Variants in DENND2B observed in about 807,000 individuals in gnomAD.
DENND2B encodes the protein DENN domain containing 2B, also known as DENN domain-containing protein 2B.
A neutral mutation model predicts 116.0 loss-of-function variants in DENND2B; 32 were observed. The observed-to-expected ratio is 0.28, with a 90% confidence interval of 0.21 to 0.37. DENND2B has a LOEUF of 0.37. DENND2B is among the 10% of genes least tolerant of loss of function. The pLI, the probability that DENND2B is intolerant of heterozygous loss-of-function variation, is 1.00. For synonymous variants in DENND2B, 588 were observed against 583.9 expected (o/e 1.01, Z -0.10); for missense variants, 1,276 against 1,477.7 (o/e 0.86, Z 2.24).
At chr11:8,737,397 G>T (rs1269720784) in intron 2 of DENND2B, among the ~76,000 whole-genome samples, 2 of 152,252 alleles carry the variant, frequency 1.3e-5, no homozygotes, top group African/African-American at 4.8e-5. Context: ...AACAGGGAGT[G>T]ATCAACTGAG....
chr11:8,719,709 T>G (rs917714081), intron 4 of DENND2B, among the ~76,000 whole-genome samples: 10 of 151,566 alleles, frequency 6.6e-5, no homozygotes, highest in Admixed American at 2.0e-4. Flanking sequence ...CCTGCAGGAG[T>G]GAGGAGGTGG....
chr11:8,710,737 C>T (rs1476111936), intron 11 of DENND2B, 108 bp downstream of exon 11: 1 of 1,177,652 alleles, frequency 8.5e-7, no homozygotes, highest in African/African-American at 1.6e-5. Context: ...TTCATACAAG[C>T]TAAAATTGCA....
rs2064256477 is a variant in DENND2B at position 8,907,732 on chromosome 11, G to T, written c.-256+3089C>A. On this transcript the variant is annotated intron_variant, in intron 1 of 22. Coordinates refer to the DENND2B transcript ENST00000534127. ...TTTTCTTAAGATAGGTTCTTACTCT[G>T]TTGCCCCGGCTGGAGGGCAGTGGCA... 3.9e-5 allele frequency among the ~76,000 whole-genome samples: 6 copies of T among 152,046 alleles called. No homozygotes were observed. The South Asian group carries it at 1.2e-3, about 32-fold the overall frequency.
intron 1 of DENND2B, among the ~76,000 whole-genome samples, chr11:8,798,862 T>C (rs1333020041): frequency 4.7e-5 from 7 of 148,892 alleles, no homozygotes; most frequent in African/African-American, 1.7e-4. Context: ...AGTTTCACTC[T>C]TGTTGCCCAG....
intron 2 of DENND2B, among the ~76,000 whole-genome samples, chr11:8,747,332 T>C (rs896322286): frequency 6.6e-6 from 1 of 152,144 alleles, no homozygotes; most frequent in Admixed American, 6.6e-5. Flanking sequence ...GTGCTGGAGT[T>C]TCATAGTGAA....
chr11:8,803,610 C>T (rs749040155), intron 1 of DENND2B, among the ~76,000 whole-genome samples: 1 of 152,336 alleles, frequency 6.6e-6, no homozygotes, highest in Non-Finnish European at 1.5e-5. Context: ...TTATTAACAA[C>T]AGCAGCAGCT....
At chr11:8,701,967 C>T (rs1388058845) in intron 14 of DENND2B, among the ~76,000 whole-genome samples, 1 of 152,162 alleles carries the variant, frequency 6.6e-6, no homozygotes, top group Non-Finnish European at 1.5e-5. Context: ...ATCTGTTTCC[C>T]GGTGTGGGCT....
intron 1 of DENND2B, among the ~76,000 whole-genome samples, chr11:8,886,517 G>A (rs2063962543): frequency 6.6e-6 from 1 of 151,834 alleles, no homozygotes; most frequent in Non-Finnish European, 1.5e-5. Context: ...CATGTCAACT[G>A]CCTGGCAGGA....
At chr11:8,812,383 A>G (rs983646986), upstream of DENND2B, among the ~76,000 whole-genome samples, 1 of 151,948 alleles carries the variant, frequency 6.6e-6, no homozygotes, top group Admixed American at 6.5e-5. Flanking sequence ...CTACAGCTAT[A>G]TGTGACCTTG....
intron 1 of DENND2B, among the ~76,000 whole-genome samples, chr11:8,888,996 T>C (rs957185653): frequency 6.6e-6 from 1 of 152,156 alleles, no homozygotes; most frequent in Non-Finnish European, 1.5e-5. Flanking sequence ...TAAAGTGGTA[T>C]AGTCATTGTG....
At chr11:8,788,947 CA>C (rs773178020) in intron 1 of DENND2B, among the ~76,000 whole-genome samples, 76 of 152,216 alleles carry the variant, frequency 5.0e-4, no homozygotes, top group Non-Finnish European at 8.5e-4. Flanking sequence ...CATGATTCAT[CA>C]CAAATGGATC....
intron 3 of DENND2B, among the ~76,000 whole-genome samples, chr11:8,841,839 T>C (rs950391419): frequency 6.6e-6 from 1 of 152,178 alleles, no homozygotes; most frequent in African/African-American, 2.4e-5. Context: ...GATGTCTCTC[T>C]CCTCGATTCC....
chr11:8,814,472 AG>A, upstream of DENND2B, among the ~76,000 whole-genome samples: 1 of 152,004 alleles, frequency 6.6e-6, no homozygotes, highest in South Asian at 2.1e-4. Flanking sequence ...AGTTCCCCTG[AG>A]GTGTCATATT....
chr11:8,865,984 G>C (rs1237885433), intron 2 of DENND2B, among the ~76,000 whole-genome samples: 3 of 151,874 alleles, frequency 2.0e-5, no homozygotes, highest in East Asian at 3.9e-4. Flanking sequence ...TTTTGAGACG[G>C]AGTCTCGCTC....
intron 1 of DENND2B, among the ~76,000 whole-genome samples, chr11:8,882,643 A>G (rs1417880265): frequency 1.7e-4 from 26 of 152,218 alleles, no homozygotes; most frequent in Admixed American, 1.7e-3. Context: ...CACTAGAAAA[A>G]TATTATGTAA....
Position 8,707,776 on chromosome 11 carries a change from C to A in DENND2B, c.2430+1G>T. 6.2e-7 allele frequency: 1 copy of A among 1,606,598 alleles called. No homozygotes were observed. Among genetic ancestry groups the A allele is most frequent in the Non-Finnish European group, 8.5e-7 (1 of 1,176,868 alleles). On this transcript the variant is annotated splice_donor_variant, in intron 12 of 19. Coordinates refer to ENST00000313726, the MANE Select transcript of DENND2B (RefSeq NM_213618.2). LOFTEE classifies it high-confidence loss of function. This position sits in a 1 kb window ranked among gnomAD's most constrained non-coding sequence, Gnocchi z 4.8. ...GAGGGAAGCCTGCCAGAGCCTCTTA[C>A]CTTGGAAAACAAGCCGAAGCAGCCA...
intron 1 of DENND2B, among the ~76,000 whole-genome samples, chr11:8,894,285 C>G (rs1313801421): frequency 6.6e-6 from 1 of 152,076 alleles, no homozygotes; most frequent in Non-Finnish European, 1.5e-5. Flanking sequence ...GACCTAAAAC[C>G]ATAAAAACCC....
At chr11:8,728,799 CT>C (rs926888581) in intron 3 of DENND2B, among the ~76,000 whole-genome samples, 8 of 152,224 alleles carry the variant, frequency 5.3e-5, no homozygotes, top group Non-Finnish European at 1.2e-4. Context: ...CCACGAAGTC[CT>C]TGAATGGAAG....
chr11:8,892,310 A>C (rs1474952100), intron 1 of DENND2B, among the ~76,000 whole-genome samples: 2 of 152,110 alleles, frequency 1.3e-5, no homozygotes, highest in Non-Finnish European at 2.9e-5. Flanking sequence ...AAATTGATCT[A>C]AAACCCTAAC....
Sources: allele counts gnomAD v4.1 joint callset (sites outside exome capture counted in the v4.1 genomes callset), GRCh38; gene constraint gnomAD v4.1.1; non-coding constraint Gnocchi (gnomAD v3.1); transcripts MANE v1.5; gene names NCBI Gene and HGNC (gene_info 2026-07-23, HGNC 2026-07-21).